GPC6: variants seen among roughly 807,000 people sequenced by gnomAD.
GPC6 encodes glypican-6.
GPC6 carries 14 observed loss-of-function variants against 55.2 expected under a neutral mutation model. That is an observed-to-expected ratio of 0.25 (90% confidence interval 0.17 to 0.40). The LOEUF (loss-of-function observed/expected upper bound fraction) is 0.40, where lower values mean the gene tolerates loss of function less well. Ranked by LOEUF, GPC6 falls within the 10% of genes least tolerant of loss-of-function variation. GPC6 has a pLI of 1.00. For missense variants in GPC6, 641 were observed against 708.5 expected (o/e 0.90, Z 1.08); for synonymous variants, 278 against 259.6 (o/e 1.07, Z -0.68).
intron 4 of GPC6, among the ~76,000 whole-genome samples, chr13:94,116,260 A>G (rs1012479374): frequency 2.0e-5 from 3 of 152,082 alleles, no homozygotes; most frequent in African/African-American, 7.2e-5. Context: ...ATCAGTGCAC[A>G]TGAATGAAAT....
intron 1 of GPC6, among the ~76,000 whole-genome samples, chr13:93,460,402 A>G (rs992146005): frequency 2.6e-5 from 4 of 152,216 alleles, no homozygotes; most frequent in African/African-American, 7.2e-5. Flanking sequence ...CTAAATTCAC[A>G]TGCTTTTCTA....
chr13:94,391,195 T>G (rs1880629603), intron 7 of GPC6, among the ~76,000 whole-genome samples: 1 of 152,180 alleles, frequency 6.6e-6, no homozygotes, highest in Non-Finnish European at 1.5e-5. Flanking sequence ...AGCAAATTCT[T>G]TTTCTGAACA....
intron 3 of GPC6, among the ~76,000 whole-genome samples, chr13:93,955,253 A>T (rs1394592442): frequency 2.1e-5 from 3 of 142,608 alleles, no homozygotes; most frequent in African/African-American, 8.9e-5. Context: ...GCACACACAC[A>T]CACACACACA....
intron 3 of GPC6, among the ~76,000 whole-genome samples, chr13:93,997,698 AAT>A (rs958837309): frequency 6.6e-6 from 1 of 152,152 alleles, no homozygotes; most frequent in Non-Finnish European, 1.5e-5. Flanking sequence ...GCTTTTTAGC[AAT>A]ATAGTAGTGA....
At chr13:93,976,653 T>G (rs1268913317) in intron 3 of GPC6, among the ~76,000 whole-genome samples, 1 of 151,276 alleles carries the variant, frequency 6.6e-6, no homozygotes, top group African/African-American at 2.4e-5. Flanking sequence ...CTCTCAAATT[T>G]CTTCTTGCTG....
intron 1 of GPC6, among the ~76,000 whole-genome samples, chr13:93,429,403 G>T (rs958053): frequency 0.21 from 31,664 of 152,080 alleles, 3,519 homozygotes; most frequent in Middle Eastern, 0.28. Context: ...AGCTCTATTA[G>T]TGATGGGGAC....
At chr13:93,814,701 G>C (rs1886795296) in intron 2 of GPC6, among the ~76,000 whole-genome samples, 2 of 152,154 alleles carry the variant, frequency 1.3e-5, no homozygotes, top group Non-Finnish European at 2.9e-5. Context: ...AAGCGAGATT[G>C]GGTTGCCCTT....
intron 4 of GPC6, among the ~76,000 whole-genome samples, chr13:94,040,228 A>G (rs1198316828): frequency 6.6e-6 from 1 of 151,800 alleles, no homozygotes. Context: ...AAAGGCATTC[A>G]TTTCCTTCAC....
intron 2 of GPC6, among the ~76,000 whole-genome samples, chr13:93,663,095 CAAAA>C (rs35257700): frequency 3.0e-4 from 33 of 111,168 alleles, no homozygotes; most frequent in East Asian, 6.8e-4. Context: ...TGACTGGTTG[CAAAA>C]AAAAAAAAAA....
At chr13:94,085,779 T>C (rs6492688) in intron 4 of GPC6, among the ~76,000 whole-genome samples, 87,411 of 151,874 alleles carry the variant, frequency 0.58, 25,269 homozygotes, top group South Asian at 0.62. Flanking sequence ...CTTTAACGTA[T>C]GTCTGAAAAT....
chr13:94,332,105 G>A (rs918513133), intron 6 of GPC6, among the ~76,000 whole-genome samples: 4 of 152,128 alleles, frequency 2.6e-5, no homozygotes, highest in African/African-American at 7.2e-5. Context: ...CCCCGAACAG[G>A]TTCTAGAAAC....
At chr13:93,864,637 G>T (rs1173184868) in intron 3 of GPC6, among the ~76,000 whole-genome samples, 1 of 151,854 alleles carries the variant, frequency 6.6e-6, no homozygotes, top group Non-Finnish European at 1.5e-5. Flanking sequence ...CCAGGTATTT[G>T]TTATCTCATT....
At chr13:93,594,328 T>G (rs1321318635) in intron 2 of GPC6, among the ~76,000 whole-genome samples, 1 of 152,210 alleles carries the variant, frequency 6.6e-6, no homozygotes, top group African/African-American at 2.4e-5. Context: ...CCACCCTTTA[T>G]TCTATGAAAG....
chr13:93,687,020 T>C lies in GPC6; in HGVS notation c.319+141599T>C, dbSNP rs150738212. On this transcript the variant is annotated intron_variant, in intron 2 of 8. Coordinates refer to ENST00000377047, the MANE Select transcript of GPC6 (RefSeq NM_005708.5). ...TCACATACAATAAATTAAAATACTG[T>C]AACAAATATCTTCAGATATTTGTGA... Among the ~76,000 whole-genome samples, 455 of 152,194 alleles carry C rather than the reference T, an allele frequency of 3.0e-3. 2 individuals carry two copies. Among genetic ancestry groups the C allele is most frequent in the South Asian group, 0.013 (61 of 4,824 alleles).
intron 2 of GPC6, among the ~76,000 whole-genome samples, chr13:93,774,681 G>A (rs958187226): frequency 2.0e-5 from 3 of 152,122 alleles, no homozygotes; most frequent in African/African-American, 4.8e-5. Context: ...AATCTTATTT[G>A]GAGCTGGTTC....
At chr13:93,505,167 G>C (rs1488270202) in intron 1 of GPC6, among the ~76,000 whole-genome samples, 4 of 152,140 alleles carry the variant, frequency 2.6e-5, no homozygotes, top group Admixed American at 6.5e-5. Context: ...AATTAATATA[G>C]TAGTATATTA....
intron 1 of GPC6, among the ~76,000 whole-genome samples, chr13:93,346,317 T>A (rs1880428337): frequency 6.6e-6 from 1 of 152,198 alleles, no homozygotes; most frequent in Non-Finnish European, 1.5e-5. Flanking sequence ...AGTGTAAAGC[T>A]GAATGAATTA....
chr13:93,681,835 A>C (rs1881856202), intron 2 of GPC6, among the ~76,000 whole-genome samples: 1 of 152,140 alleles, frequency 6.6e-6, no homozygotes, highest in African/African-American at 2.4e-5. Context: ...GCTGCTAACT[A>C]GATTATTTTA....
intron 2 of GPC6, among the ~76,000 whole-genome samples, chr13:93,577,362 C>T (rs1299494608): frequency 1.3e-5 from 2 of 152,090 alleles, no homozygotes; most frequent in Admixed American, 1.3e-4. Context: ...GAAAATTTTA[C>T]AAAAGCACAT....
Sources: gnomAD v4.1 joint callset for allele counts (sites outside exome capture counted in the v4.1 genomes callset) on GRCh38, gnomAD v4.1.1 for gene constraint, MANE v1.5 for transcripts, NCBI Gene and HGNC (gene_info 2026-07-23, HGNC 2026-07-21) for gene names.